Variants in SULT1E1 observed in about 807,000 individuals in gnomAD.
SULT1E1 encodes the protein sulfotransferase family 1E member 1.
In SULT1E1, 36 loss-of-function variants were observed where a neutral mutation model predicts 33.6. The ratio of observed to expected loss-of-function variants is 1.07; its 90% CI spans 0.82 to 1.41. SULT1E1 has a LOEUF of 1.41. Among genes scored for constraint, SULT1E1 ranks in the 40% most tolerant of loss-of-function variants. The probability of loss-of-function intolerance (pLI) is 0.00; values close to 1 mark genes in which losing one functional copy is unlikely to be tolerated. For missense variants in SULT1E1, 371 were observed against 345.7 expected (o/e 1.07, Z -0.58); for synonymous variants, 121 against 111.7 (o/e 1.08, Z -0.53).
the SULT1E1 span, among the ~76,000 whole-genome samples, chr4:69,828,256 A>T: frequency 1.3e-5 from 2 of 152,292 alleles, no homozygotes; most frequent in African/African-American, 4.8e-5. Context: ...GTCCCTTTCC[A>T]TGCTATGGAA....
At chr4:69,858,011 T>A (rs1396580462) in intron 1 of SULT1E1, among the ~76,000 whole-genome samples, 2 of 152,022 alleles carry the variant, frequency 1.3e-5, no homozygotes, top group African/African-American at 4.8e-5. Context: ...GACAAAGAGG[T>A]CCAGAATTAC....
chr4:69,836,653 C>A (rs1720803411), downstream of SULT1E1, among the ~76,000 whole-genome samples: 1 of 152,134 alleles, frequency 6.6e-6, no homozygotes, highest in Admixed American at 6.5e-5. Context: ...CATAATAAAT[C>A]TTCTTGCTTG....
intron 6 of SULT1E1, among the ~76,000 whole-genome samples, chr4:69,845,273 A>G (rs1281102170): frequency 5.9e-5 from 9 of 151,962 alleles, no homozygotes; most frequent in Admixed American, 2.0e-4. Context: ...TACATTTTAA[A>G]ATAATTAAAA....
chr4:69,833,190 T>A, the SULT1E1 span, among the ~76,000 whole-genome samples: 4 of 152,160 alleles, frequency 2.6e-5, no homozygotes, highest in African/African-American at 9.7e-5. Context: ...TAAAACATAT[T>A]ATGATGTTTT....
At chr4:69,824,946 C>T in the SULT1E1 span, among the ~76,000 whole-genome samples, 1 of 152,228 alleles carries the variant, frequency 6.6e-6, no homozygotes, top group Non-Finnish European at 1.5e-5. Context: ...CTGCTGCTCA[C>T]TCTTTGGGTT....
chr4:69,856,909 C>A (rs1321174005), intron 2 of SULT1E1, among the ~76,000 whole-genome samples: 2 of 117,590 alleles, frequency 1.7e-5, no homozygotes, highest in African/African-American at 3.2e-5. Flanking sequence ...GCACTCCAGC[C>A]TGGGAGACAG....
intron 1 of SULT1E1, among the ~76,000 whole-genome samples, chr4:69,858,649 C>G (rs1033641639): frequency 4.0e-5 from 6 of 151,680 alleles, no homozygotes; most frequent in African/African-American, 7.3e-5. Context: ...ACAATCTCAA[C>G]TTTTAAAAAA....
intron 2 of SULT1E1, among the ~76,000 whole-genome samples, chr4:69,855,849 C>T (rs1721222810): frequency 2.0e-5 from 3 of 152,112 alleles, no homozygotes; most frequent in Admixed American, 2.0e-4. Flanking sequence ...GGTTCCTGTC[C>T]TTAGGGAGCT....
chr4:69,855,244 GTAC>G, intron 3 of SULT1E1, 54 bp downstream of exon 3: 1 of 1,549,272 alleles, frequency 6.5e-7, no homozygotes, highest in Admixed American at 1.8e-5. Context: ...CTTGTACCAT[GTAC>G]ATACACACCT....
the SULT1E1 span, among the ~76,000 whole-genome samples, chr4:69,829,745 C>T: frequency 1.3e-5 from 2 of 152,196 alleles, no homozygotes; most frequent in African/African-American, 4.8e-5. Context: ...GATAGAAAGG[C>T]CTTCTTTCTG....
At chr4:69,845,554 A>G (rs1055998046) in intron 6 of SULT1E1, among the ~76,000 whole-genome samples, 1 of 151,414 alleles carries the variant, frequency 6.6e-6, no homozygotes, top group South Asian at 2.1e-4. Context: ...TAATATATAC[A>G]CAAAATCTTA....
In SULT1E1 at chr4:69,855,343, G is replaced by T. The variant is rs143726522; in HGVS notation, c.229C>A (p.Arg77=). ...TTTCTGCATTCCAGGAAAGGTATTC[G>T]ATTAAAAATTACATCTTCTTTGCAC... ...EKCKEDVIFN[R]IPFLECRKEN... Residue 77 remains arginine, a synonymous_variant, in exon 3 of 8, where the codon CGA becomes AGA. Transcript: ENST00000226444. 308 of 1,612,928 alleles carry T rather than the reference G, an allele frequency of 1.9e-4. 3 individuals are homozygous for T. In the African/African-American group the frequency reaches 2.8e-3, roughly 15 times the overall value.
intron 7 of SULT1E1, 71 bp downstream of exon 7, chr4:69,844,090 C>T (rs1044808128): frequency 2.1e-6 from 3 of 1,439,434 alleles, no homozygotes; most frequent in Non-Finnish European, 2.9e-6. Flanking sequence ...AAATACCTCA[C>T]TAGATTTTTG....
At chr4:69,854,665 A>G (rs1387835415) in intron 3 of SULT1E1, among the ~76,000 whole-genome samples, 1 of 152,030 alleles carries the variant, frequency 6.6e-6, no homozygotes, top group East Asian at 1.9e-4. Flanking sequence ...TATAAAATGA[A>G]ATAAAATTTC....
chr4:69,831,829 C>T, the SULT1E1 span, among the ~76,000 whole-genome samples: 20 of 152,254 alleles, frequency 1.3e-4, no homozygotes, highest in South Asian at 4.1e-3. Flanking sequence ...TAGCCCAGGT[C>T]GGTCCCACAC....
chr4:69,832,110 C>T, the SULT1E1 span, among the ~76,000 whole-genome samples: 717 of 152,328 alleles, frequency 4.7e-3, 5 homozygotes, highest in African/African-American at 0.016. Context: ...TCTGTCCTTA[C>T]GGGACAGGTC....
chr4:69,831,616 G>A, the SULT1E1 span, among the ~76,000 whole-genome samples: 1 of 152,108 alleles, frequency 6.6e-6, no homozygotes, highest in Non-Finnish European at 1.5e-5. Context: ...ATTATTTAAC[G>A]TACATTCCAA....
the SULT1E1 span, among the ~76,000 whole-genome samples, chr4:69,833,870 A>C: frequency 2.6e-5 from 4 of 152,184 alleles, no homozygotes; most frequent in African/African-American, 2.4e-5. Flanking sequence ...TCTATGTTAA[A>C]AGCCATCAAA....
At chr4:69,835,356 G>A in the SULT1E1 span, among the ~76,000 whole-genome samples, 45 of 152,164 alleles carry the variant, frequency 3.0e-4, no homozygotes, top group African/African-American at 8.0e-4. Context: ...GGAACTGTGC[G>A]TGTCTTACTG....
Sources: allele counts gnomAD v4.1 joint callset (sites outside exome capture counted in the v4.1 genomes callset), GRCh38; gene constraint gnomAD v4.1.1; transcripts MANE v1.5; gene names NCBI Gene and HGNC (gene_info 2026-07-23, HGNC 2026-07-21).